The following ANO2 variants were observed in gnomAD, a reference collection of about 807,000 sequenced individuals.
The protein encoded by ANO2 is anoctamin-2.
Under a neutral mutation model 124.2 loss-of-function variants are expected in ANO2, and 101 were observed. The observed-to-expected ratio is 0.81, with a 90% CI of 0.69 to 0.96. The LOEUF (loss-of-function observed/expected upper bound fraction) is 0.96, where lower values mean the gene tolerates loss of function less well. Among genes scored for constraint, ANO2 ranks in the 40% least tolerant of loss-of-function variants. The pLI, the probability that ANO2 is intolerant of heterozygous loss-of-function variation, is 0.00. For synonymous variants in ANO2, 486 were observed against 482.5 expected (o/e 1.01, Z -0.09); for missense variants, 1,293 against 1,274.5 (o/e 1.01, Z -0.22).
intron 10 of ANO2, among the ~76,000 whole-genome samples, chr12:5,772,555 T>C (rs1338614244): frequency 1.3e-5 from 2 of 152,240 alleles, no homozygotes; most frequent in Non-Finnish European, 2.9e-5. Context: ...TAAATTTTAA[T>C]CTAAGTTTTT....
intron 3 of ANO2, among the ~76,000 whole-genome samples, chr12:5,874,660 C>T (rs773581811): frequency 5.9e-5 from 9 of 152,210 alleles, no homozygotes; most frequent in Non-Finnish European, 1.2e-4. Flanking sequence ...GCATCCGCTT[C>T]CCAATCAGAA....
intron 14 of ANO2, among the ~76,000 whole-genome samples, chr12:5,688,753 C>G (rs1421040642): frequency 1.3e-5 from 2 of 151,636 alleles, no homozygotes; most frequent in African/African-American, 4.8e-5. Flanking sequence ...GCCTCTAACT[C>G]AGGCCTTCCT....
intron 3 of ANO2, among the ~76,000 whole-genome samples, chr12:5,886,246 G>A (rs897932882): frequency 2.6e-5 from 4 of 152,152 alleles, no homozygotes; most frequent in Non-Finnish European, 5.9e-5. Context: ...GTAAATGAAC[G>A]AATGGATAAA....
chr12:5,883,922 C>T (rs545535099), intron 3 of ANO2, among the ~76,000 whole-genome samples: 2 of 152,152 alleles, frequency 1.3e-5, no homozygotes, highest in Non-Finnish European at 2.9e-5. Flanking sequence ...CTTTTCTGTG[C>T]ATTATCTAAC....
chr12:5,595,267 C>A (rs1314260045), intron 20 of ANO2, among the ~76,000 whole-genome samples: 1 of 152,152 alleles, frequency 6.6e-6, no homozygotes, highest in Non-Finnish European at 1.5e-5. Context: ...GTGGCACAAT[C>A]ATAGCTCACT....
chr12:5,729,112 C>T (rs990168288), intron 14 of ANO2, among the ~76,000 whole-genome samples: 1 of 151,906 alleles, frequency 6.6e-6, no homozygotes, highest in African/African-American at 2.4e-5. Flanking sequence ...GCATAAGTAA[C>T]AAAATTAGAT....
intron 9 of ANO2, among the ~76,000 whole-genome samples, chr12:5,801,738 C>A (rs1468975014): frequency 6.6e-6 from 1 of 152,252 alleles, no homozygotes; most frequent in Admixed American, 6.5e-5. Flanking sequence ...AAAGGGGTCA[C>A]TCAGTGCATG....
intron 10 of ANO2, among the ~76,000 whole-genome samples, chr12:5,796,961 C>G (rs997293218): frequency 2.6e-5 from 4 of 152,206 alleles, no homozygotes; most frequent in Non-Finnish European, 5.9e-5. Flanking sequence ...AGAGGAGGAA[C>G]AGAAGCTTGG....
intron 4 of ANO2, chr12:5,839,598 T>A (rs1389190974): frequency 4.4e-6 from 2 of 455,914 alleles, no homozygotes; most frequent in Admixed American, 4.7e-5. Flanking sequence ...CATCTCTGGG[T>A]ACCTCCTAGA....
At chr12:5,585,258 G>A (rs1943048285) in intron 20 of ANO2, among the ~76,000 whole-genome samples, 2 of 152,054 alleles carry the variant, frequency 1.3e-5, no homozygotes, top group South Asian at 4.1e-4. Flanking sequence ...AACTACTTAA[G>A]AAATAAGGAC....
chr12:5,680,037 A>G (rs769264102), intron 14 of ANO2, among the ~76,000 whole-genome samples: 10 of 152,214 alleles, frequency 6.6e-5, no homozygotes, highest in Non-Finnish European at 1.3e-4. Context: ...TAACACAGAA[A>G]CAGAAACCAA....
intron 14 of ANO2, among the ~76,000 whole-genome samples, chr12:5,686,139 G>T (rs1948697215): frequency 6.6e-6 from 1 of 152,088 alleles, no homozygotes; most frequent in Non-Finnish European, 1.5e-5. Context: ...TAGCTCTCGA[G>T]AACAGTAAAG....
chr12:5,930,982 C>T (rs913135743), intron 1 of ANO2, among the ~76,000 whole-genome samples: 10 of 152,156 alleles, frequency 6.6e-5, no homozygotes, highest in Non-Finnish European at 1.5e-5. Flanking sequence ...GATGCCACCA[C>T]CACAGTTTGC....
intron 14 of ANO2, among the ~76,000 whole-genome samples, chr12:5,674,323 A>G (rs1312786035): frequency 2.0e-5 from 3 of 152,138 alleles, no homozygotes; most frequent in African/African-American, 7.2e-5. Context: ...TTTCCAGGCC[A>G]CCAGAGAATC....
At position 5,827,659 on chromosome 12, in the gene ANO2, G is replaced by A. The variant is rs1954007303; in HGVS notation, c.892+110C>T. 6 of 1,269,826 alleles carry A rather than the reference G, an allele frequency of 4.7e-6. No individual in the cohort carries two copies. The East Asian group carries it at 7.6e-5, about 16-fold the overall frequency. 78.7% of individuals were successfully genotyped at this position (1,269,826 alleles called of 1,614,324 possible). ...CAAGCTAAGCAGCCTCTCCGTGGGG[G>A]GCATTTGCTTGTTTTGTTCTTTGCT... On this transcript the variant is annotated intron_variant, in intron 7 of 24. Coordinates refer to ENST00000682330, the MANE Select transcript of ANO2 (RefSeq NM_001364791.2).
At chr12:5,810,868 T>A (rs1159497554) in intron 7 of ANO2, among the ~76,000 whole-genome samples, 1 of 152,148 alleles carries the variant, frequency 6.6e-6, no homozygotes, top group Non-Finnish European at 1.5e-5. Flanking sequence ...AGCAACACTG[T>A]CCCACATCCA....
intron 13 of ANO2, among the ~76,000 whole-genome samples, chr12:5,733,817 T>G (rs982296613): frequency 6.6e-6 from 1 of 152,238 alleles, no homozygotes. Flanking sequence ...AGGTGGGGTC[T>G]CCTCCCTCTC....
At chr12:5,748,451 A>G (rs1951334617) in intron 11 of ANO2, among the ~76,000 whole-genome samples, 1 of 152,198 alleles carries the variant, frequency 6.6e-6, no homozygotes, top group South Asian at 2.1e-4. Context: ...AGCCCTCCGG[A>G]AAACTTCTCT....
chr12:5,724,783 A>G (rs1950370051), intron 14 of ANO2, among the ~76,000 whole-genome samples: 1 of 152,170 alleles, frequency 6.6e-6, no homozygotes, highest in South Asian at 2.1e-4. Context: ...TGAGCACTGC[A>G]GGTGGCTTAG....
Sources: allele counts gnomAD v4.1 joint callset (sites outside exome capture counted in the v4.1 genomes callset), GRCh38; gene constraint gnomAD v4.1.1; transcripts MANE v1.5; gene names NCBI Gene and HGNC (gene_info 2026-07-23, HGNC 2026-07-21).